The following CTNNA3 variants were observed in gnomAD, a reference collection of about 807,000 sequenced individuals.
CTNNA3 encodes catenin alpha-3.
In CTNNA3, 76 loss-of-function variants were observed where a neutral mutation model predicts 95.7. The observed-to-expected ratio is 0.79, with a 90% CI of 0.66 to 0.96. The LOEUF is 0.96. Among genes scored for constraint, CTNNA3 ranks in the 40% least tolerant of loss-of-function variants. The pLI, the probability that CTNNA3 is intolerant of heterozygous loss-of-function variation, is 0.00. For missense variants in CTNNA3, 1,191 were observed against 1,089.8 expected (o/e 1.09, Z -1.31); for synonymous variants, 431 against 374.4 (o/e 1.15, Z -1.74).
At chr10:66,912,462 TC>T (rs1846263228) in intron 7 of CTNNA3, among the ~76,000 whole-genome samples, 1 of 152,160 alleles carries the variant, frequency 6.6e-6, no homozygotes, top group Admixed American at 6.5e-5. Flanking sequence ...AATTAAAAGT[TC>T]TTTTTTTTAG....
intron 1 of CTNNA3, among the ~76,000 whole-genome samples, chr10:67,757,033 A>G (rs1564847312): frequency 6.6e-6 from 1 of 152,244 alleles, no homozygotes. Flanking sequence ...ATTATCATAT[A>G]TTGAGTACCT....
chr10:66,916,740 G>T (rs186850449), intron 7 of CTNNA3, among the ~76,000 whole-genome samples: 1 of 152,334 alleles, frequency 6.6e-6, no homozygotes, highest in East Asian at 1.9e-4. Context: ...GTAAGGAGGT[G>T]CTGGGGGGAA....
At chr10:67,344,342 T>C (rs1367649559) in intron 5 of CTNNA3, among the ~76,000 whole-genome samples, 2 of 152,102 alleles carry the variant, frequency 1.3e-5, no homozygotes, top group Non-Finnish European at 2.9e-5. Context: ...GTTTTTGACA[T>C]CAGGGTACCA....
chr10:66,525,001 A>G (rs1299535189), intron 10 of CTNNA3, among the ~76,000 whole-genome samples: 2 of 152,062 alleles, frequency 1.3e-5, no homozygotes, highest in African/African-American at 4.8e-5. Flanking sequence ...GTGAGCCGAG[A>G]TCGCACCATT....
At chr10:67,405,037 T>C (rs181851980) in intron 5 of CTNNA3, among the ~76,000 whole-genome samples, 57 of 152,312 alleles carry the variant, frequency 3.7e-4, no homozygotes. Flanking sequence ...CCAGACCTGC[T>C]TTATAAAAGC....
intron 3 of CTNNA3, among the ~76,000 whole-genome samples, chr10:67,596,701 C>T (rs1034168070): frequency 1.3e-5 from 2 of 152,202 alleles, no homozygotes; most frequent in African/African-American, 4.8e-5. Context: ...GCCTATAGTA[C>T]TATTTCTTTG....
chr10:66,249,897 G>A (rs2090482593), intron 13 of CTNNA3, among the ~76,000 whole-genome samples: 1 of 152,028 alleles, frequency 6.6e-6, no homozygotes, highest in South Asian at 2.1e-4. Flanking sequence ...CCACTGCAAG[G>A]TATATACCCA....
At chr10:66,390,663 C>G (rs2221571) in intron 11 of CTNNA3, among the ~76,000 whole-genome samples, 14,687 of 152,052 alleles carry the variant, frequency 0.097, 978 homozygotes, top group African/African-American at 0.19. Context: ...TTTTTCTTTC[C>G]CATTTACCCA....
At chr10:67,612,209 T>C (rs530920377) in intron 2 of CTNNA3, among the ~76,000 whole-genome samples, 1 of 152,302 alleles carries the variant, frequency 6.6e-6, no homozygotes, top group East Asian at 1.9e-4. Flanking sequence ...AACACTTATA[T>C]TTTGTTCAAA....
chr10:66,249,559 C>T (rs2090467740), intron 13 of CTNNA3, among the ~76,000 whole-genome samples: 1 of 152,048 alleles, frequency 6.6e-6, no homozygotes, highest in Non-Finnish European at 1.5e-5. Context: ...CAGAGAACTG[C>T]AAATCAAAAC....
chr10:66,210,853 T>G (rs533950137), intron 13 of CTNNA3, among the ~76,000 whole-genome samples: 1 of 152,298 alleles, frequency 6.6e-6, no homozygotes, highest in East Asian at 1.9e-4. Context: ...ATAGAATTAT[T>G]TATAGCATCT....
chr10:66,182,356 C>T (rs1317929145), intron 13 of CTNNA3, among the ~76,000 whole-genome samples: 4 of 151,466 alleles, frequency 2.6e-5, no homozygotes, highest in Non-Finnish European at 2.9e-5. Flanking sequence ...CCCGGGTTCA[C>T]GCCATTCTCC....
intron 9 of CTNNA3, among the ~76,000 whole-genome samples, chr10:66,747,095 T>C (rs2132715423): frequency 6.6e-6 from 1 of 152,282 alleles, no homozygotes; most frequent in Non-Finnish European, 1.5e-5. Context: ...TACAAAGGCA[T>C]AATAGCCAAA....
intron 11 of CTNNA3, among the ~76,000 whole-genome samples, chr10:66,446,898 G>A (rs1278633822): frequency 1.3e-5 from 2 of 151,838 alleles, no homozygotes; most frequent in African/African-American, 4.8e-5. Context: ...CCTGTTTGCA[G>A]ATGACATTAT....
intron 11 of CTNNA3, among the ~76,000 whole-genome samples, chr10:66,445,574 C>G (rs570453334): frequency 6.6e-5 from 10 of 152,090 alleles, no homozygotes; most frequent in Middle Eastern, 3.4e-3. Context: ...TGAATGACTA[C>G]TGGGTACATA....
intron 7 of CTNNA3, among the ~76,000 whole-genome samples, chr10:67,011,788 T>C (rs1404186606): frequency 6.6e-6 from 1 of 152,110 alleles, no homozygotes; most frequent in Non-Finnish European, 1.5e-5. Flanking sequence ...CAACCATACA[T>C]ACAGAAGAGA....
intron 13 of CTNNA3, among the ~76,000 whole-genome samples, chr10:66,196,495 T>A (rs1396522999): frequency 1.3e-5 from 2 of 152,136 alleles, no homozygotes; most frequent in African/African-American, 4.8e-5. Context: ...CCTCTGTATA[T>A]CAGAGGAAGT....
At chr10:65,986,800 C>T (rs1427568481) in intron 16 of CTNNA3, among the ~76,000 whole-genome samples, 2 of 151,292 alleles carry the variant, frequency 1.3e-5, no homozygotes, top group Non-Finnish European at 3.0e-5. Flanking sequence ...CACGACCTGG[C>T]TTCAAAATAT....
chr10:66,361,225 C>T (rs1478041190), intron 12 of CTNNA3, among the ~76,000 whole-genome samples: 7 of 151,334 alleles, frequency 4.6e-5, no homozygotes, highest in African/African-American at 1.5e-4. Flanking sequence ...TGTCTCAGCC[C>T]CCTAAAGTAT....
Sources: gnomAD v4.1 joint callset for allele counts (sites outside exome capture counted in the v4.1 genomes callset) on GRCh38, gnomAD v4.1.1 for gene constraint, MANE v1.5 for transcripts, NCBI Gene and HGNC (gene_info 2026-07-23, HGNC 2026-07-21) for gene names.